The following TSPAN14 variants were observed in gnomAD, a reference collection of about 807,000 sequenced individuals.
TSPAN14 encodes tetraspanin 14.
In TSPAN14, 16 loss-of-function variants were observed where a neutral mutation model predicts 36.6. That is an observed-to-expected ratio of 0.44 (90% CI 0.30 to 0.66). TSPAN14 has a LOEUF of 0.66. Among genes scored for constraint, TSPAN14 ranks in the 30% least tolerant of loss-of-function variants. TSPAN14 has a pLI of 0.12. For synonymous variants in TSPAN14, 139 were observed against 143.8 expected (o/e 0.97, Z 0.24); for missense variants, 231 against 355.1 (o/e 0.65, Z 2.81).
intron 5 of TSPAN14, among the ~76,000 whole-genome samples, chr10:80,511,626 A>G (rs1014892893): frequency 2.0e-5 from 3 of 151,888 alleles, no homozygotes; most frequent in Non-Finnish European, 2.9e-5. Flanking sequence ...TGTGGGTTGG[A>G]CAGAGGAGGC....
chr10:80,460,339 C>T (rs1446316929), intron 1 of TSPAN14, among the ~76,000 whole-genome samples: 1 of 152,130 alleles, frequency 6.6e-6, no homozygotes, highest in Non-Finnish European at 1.5e-5. Flanking sequence ...GTTCAGATAT[C>T]CAGGGTGATT....
intron 1 of TSPAN14, among the ~76,000 whole-genome samples, chr10:80,469,021 G>A (rs2131967944): frequency 6.6e-6 from 1 of 152,346 alleles, no homozygotes; most frequent in African/African-American, 2.4e-5. Flanking sequence ...CCAGCTCTCA[G>A]TCCTTCCCCT....
chr10:80,460,093 T>TA (rs1398723553), intron 1 of TSPAN14, among the ~76,000 whole-genome samples: 4 of 152,182 alleles, frequency 2.6e-5, no homozygotes, highest in Admixed American at 1.3e-4. Context: ...TCAGGACTAT[T>TA]ACGATAGATG....
chr10:80,514,410 T>C (rs1232712067), intron 7 of TSPAN14, among the ~76,000 whole-genome samples: 1 of 152,184 alleles, frequency 6.6e-6, no homozygotes, highest in African/African-American at 2.4e-5. Flanking sequence ...AGGGGACAGC[T>C]GCAGGAGTGT....
chr10:80,520,661 C>T (rs1564753897), exon 9 of TSPAN14: 1 of 533,448 alleles, frequency 1.9e-6, no homozygotes, highest in Non-Finnish European at 3.8e-6. Flanking sequence ...GCCTTCCTTT[C>T]CCATCCTAAA....
intron 1 of TSPAN14, among the ~76,000 whole-genome samples, chr10:80,482,067 T>A (rs1275082375): frequency 6.6e-6 from 1 of 152,176 alleles, no homozygotes; most frequent in African/African-American, 2.4e-5. Context: ...TGCAGACAGT[T>A]CTAAGAGATA....
exon 9 of TSPAN14, chr10:80,518,291 C>T: frequency 2.4e-6 from 1 of 420,464 alleles, no homozygotes. Flanking sequence ...TGACTCAGAC[C>T]CCCTGCAGCT....
chr10:80,521,294 GC>G (rs1284930441), exon 9 of TSPAN14: 1 of 162,432 alleles, frequency 6.2e-6, no homozygotes, highest in Non-Finnish European at 1.4e-5. Flanking sequence ...AGTGGTCCCA[GC>G]ACCTGAGGCA....
intron 1 of TSPAN14, among the ~76,000 whole-genome samples, chr10:80,484,598 C>A (rs1290234615): frequency 2.0e-5 from 3 of 152,154 alleles, no homozygotes; most frequent in Non-Finnish European, 4.4e-5. Flanking sequence ...TGTTCATATC[C>A]TTTGTTCATT....
intron 2 of TSPAN14, among the ~76,000 whole-genome samples, chr10:80,497,888 G>A (rs756920573): frequency 1.1e-4 from 17 of 152,192 alleles, no homozygotes; most frequent in Non-Finnish European, 2.1e-4. Flanking sequence ...CCACCCTTCC[G>A]GCAGGAGGAA....
chr10:80,469,532 C>T (rs1042809688), intron 1 of TSPAN14, among the ~76,000 whole-genome samples: 1 of 152,178 alleles, frequency 6.6e-6, no homozygotes, highest in Non-Finnish European at 1.5e-5. Context: ...CTCTCCTGCT[C>T]AGCTACCCAA....
At chr10:80,471,786 G>T (rs984136808) in intron 1 of TSPAN14, among the ~76,000 whole-genome samples, 2 of 152,170 alleles carry the variant, frequency 1.3e-5, no homozygotes, top group Non-Finnish European at 2.9e-5. Flanking sequence ...GTGAGTGGCA[G>T]GTGTGGGTGA....
At chr10:80,520,826 G>A (rs537404842) in exon 9 of TSPAN14, 16 of 533,354 alleles carry the variant, frequency 3.0e-5, no homozygotes, top group Admixed American at 2.7e-4. Context: ...AGCCTCTGTA[G>A]CACCAGACAC....
chr10:80,467,495 G>A (rs1287259262), intron 1 of TSPAN14, among the ~76,000 whole-genome samples: 2 of 151,704 alleles, frequency 1.3e-5, no homozygotes, highest in African/African-American at 4.9e-5. Flanking sequence ...ACTAGAAAAT[G>A]GAAGTGTTGC....
At chr10:80,460,333 A>G in intron 1 of TSPAN14, among the ~76,000 whole-genome samples, 1 of 152,234 alleles carries the variant, frequency 6.6e-6, no homozygotes, top group East Asian at 1.9e-4. Flanking sequence ...AAATACGTTC[A>G]GATATCCAGG....
At chr10:80,504,771 G>T in exon 3 of TSPAN14, 7 of 1,614,172 alleles carry the variant, frequency 4.3e-6, no homozygotes, top group Non-Finnish European at 5.9e-6. Context: ...TGGGCATGGA[G>T]CGAAAAGGTA....
intron 1 of TSPAN14, among the ~76,000 whole-genome samples, chr10:80,484,460 G>T (rs2132002333): frequency 6.6e-6 from 1 of 152,226 alleles, no homozygotes; most frequent in Middle Eastern, 3.4e-3. Context: ...ACGTAGCTGG[G>T]ACTTCAGTCA....
intron 6 of TSPAN14, among the ~76,000 whole-genome samples, chr10:80,513,312 C>G (rs188517055): frequency 6.6e-6 from 1 of 151,908 alleles, no homozygotes; most frequent in Non-Finnish European, 1.5e-5. Context: ...TGAACTGAGC[C>G]TGAGTAGAAC....
intron 2 of TSPAN14, among the ~76,000 whole-genome samples, chr10:80,500,770 CGA>C (rs529939709): frequency 3.3e-4 from 51 of 152,248 alleles, no homozygotes; most frequent in South Asian, 1.0e-3. Flanking sequence ...GAACAGCAAG[CGA>C]GGGAGGGTGT....
Sources: gnomAD v4.1 joint callset for allele counts (sites outside exome capture counted in the v4.1 genomes callset) on GRCh38, gnomAD v4.1.1 for gene constraint, MANE v1.5 for transcripts, NCBI Gene and HGNC (gene_info 2026-07-23, HGNC 2026-07-21) for gene names.